The following GOSR2 variants were observed in gnomAD, a reference collection of about 807,000 sequenced individuals.
GOSR2 encodes the protein 27 kDa Golgi SNARE protein.
GOSR2 carries 20 observed loss-of-function variants against 27.9 expected under a neutral mutation model. The observed-to-expected ratio is 0.72, with a 90% CI of 0.50 to 1.04. The LOEUF (loss-of-function observed/expected upper bound fraction) is 1.04, where lower values mean the gene tolerates loss of function less well. Ranked by LOEUF, GOSR2 falls within the 50% of genes least tolerant of loss-of-function variation. GOSR2 has a pLI of 0.00. For synonymous variants in GOSR2, 91 were observed against 98.8 expected (o/e 0.92, Z 0.47); for missense variants, 261 against 270.5 (o/e 0.97, Z 0.25).
chr17:46,926,467 A>G (rs2086515977), intron 1 of GOSR2, among the ~76,000 whole-genome samples: 1 of 152,230 alleles, frequency 6.6e-6, no homozygotes, highest in Non-Finnish European at 1.5e-5. Flanking sequence ...AAAGACGGCT[A>G]CAATGACCCT....
chr17:46,969,186 T>G (rs952999141), downstream of GOSR2, among the ~76,000 whole-genome samples: 1 of 152,194 alleles, frequency 6.6e-6, no homozygotes, highest in African/African-American at 2.4e-5. Flanking sequence ...TCCATCCACC[T>G]TCCCAGGTTT....
Position 46,941,998 on chromosome 17 carries a change from AAATT to A in GOSR2, c.*3239_*3242del. The A allele has an allele frequency of 2.1e-6, 2 of 973,554 alleles. No individual in the cohort carries two copies. The highest frequency in any genetic ancestry group is 9.5e-5 in the South Asian group (2 of 21,030). 60.3% of individuals were successfully genotyped at this position (973,554 alleles called of 1,614,324 possible). The stretch of plus-strand genomic sequence containing the variant: ...GAGCAAAACTTGTTAAGTCCAAAAT[AAATT>A]CTTACTGTTTATATCCTACCTTAGT... On this transcript the variant is annotated 3_prime_UTR_variant, in exon 6 of 6. Coordinates refer to ENST00000640051, the MANE Select transcript of GOSR2 (RefSeq NM_004287.5).
chr17:46,960,136 A>G (rs1391609273), intron 6 of GOSR2, among the ~76,000 whole-genome samples: 2 of 152,254 alleles, frequency 1.3e-5, no homozygotes, highest in Non-Finnish European at 2.9e-5. Flanking sequence ...TATCCAAAAT[A>G]TGGAAAGAGC....
chr17:46,925,369 A>C (rs540471611), intron 1 of GOSR2, among the ~76,000 whole-genome samples: 1 of 152,204 alleles, frequency 6.6e-6, no homozygotes, highest in Admixed American at 6.5e-5. Context: ...TTGAGCACCT[A>C]CTATGTGCTG....
At chr17:46,927,214 A>T (rs1022161564) in intron 1 of GOSR2, among the ~76,000 whole-genome samples, 2 of 151,052 alleles carry the variant, frequency 1.3e-5, no homozygotes, top group Non-Finnish European at 2.9e-5. Flanking sequence ...TTTTTCATTT[A>T]AAAAAAATGC....
At chr17:46,958,027 T>C (rs1599209019) in intron 6 of GOSR2, among the ~76,000 whole-genome samples, 1 of 152,184 alleles carries the variant, frequency 6.6e-6, no homozygotes, top group Non-Finnish European at 1.5e-5. Flanking sequence ...TGGCTGCTGC[T>C]TTGGGAGTCT....
In GOSR2 at chr17:46,928,009, C is replaced by T. The variant is rs534909588; in HGVS notation, c.30-1511C>T. On this transcript the variant is annotated intron_variant, in intron 1 of 5. Coordinates refer to ENST00000640051, the MANE Select transcript of GOSR2 (RefSeq NM_004287.5). ...TACCCTCCGGTCCCCTGTACCTGTT[C>T]CCTTGGTTGCCCTGCTTCAGGTGTC... 1.6e-4 allele frequency among the ~76,000 whole-genome samples: 25 copies of T among 152,266 alleles called. No homozygotes were observed. In the South Asian group the frequency reaches 5.2e-3, roughly 32 times the overall value.
chr17:46,943,984 C>T (rs2089603550), downstream of GOSR2, among the ~76,000 whole-genome samples: 3 of 152,138 alleles, frequency 2.0e-5, no homozygotes, highest in Non-Finnish European at 4.4e-5. Flanking sequence ...AGGGGGCTCT[C>T]GGAGGCTGAC....
At chr17:46,932,305 A>G (rs746941175) in intron 4 of GOSR2, 106 bp downstream of exon 4, 17 of 1,331,162 alleles carry the variant, frequency 1.3e-5, no homozygotes, top group South Asian at 5.9e-5. Flanking sequence ...AAGAAGACTG[A>G]TGATGAGGAA....
chr17:46,961,090 T>G (rs143957272), intron 6 of GOSR2, among the ~76,000 whole-genome samples: 163 of 152,224 alleles, frequency 1.1e-3, no homozygotes, highest in African/African-American at 3.9e-3. Flanking sequence ...ATGAGAGAGA[T>G]AATTAGAATG....
downstream of GOSR2, among the ~76,000 whole-genome samples, chr17:46,943,131 A>G (rs11079743): frequency 0.95 from 145,264 of 152,252 alleles, 69,676 homozygotes; most frequent in East Asian, 1. Context: ...ATACAAGAAC[A>G]TCAACCCAAG....
chr17:46,967,404 T>C (rs562674798), downstream of GOSR2, among the ~76,000 whole-genome samples: 1 of 152,356 alleles, frequency 6.6e-6, no homozygotes, highest in South Asian at 2.1e-4. Context: ...TTAGCTGTCA[T>C]TACCAAGATA....
chr17:46,974,439 AAGG>A (rs1211889715), intron 6 of GOSR2, among the ~76,000 whole-genome samples: 1 of 152,188 alleles, frequency 6.6e-6, no homozygotes, highest in Admixed American at 6.5e-5. Flanking sequence ...GTGGGGAGCA[AAGG>A]AGGTCATCTC....
Position 46,938,690 on chromosome 17 carries a change from A to G in GOSR2, c.569A>G (p.Lys190Arg). The G allele has an allele frequency of 6.2e-7, 1 of 1,613,876 alleles. No individual in the cohort carries two copies. Among genetic ancestry groups the G allele is most frequent in the Non-Finnish European group, 8.5e-7 (1 of 1,179,860 alleles). Reference sequence around the variant, plus strand: ...ATCGAGAAGCGGGCTTTCCAGGACAAGTACTTTATGATAGGTGGGATGCTG... The same window carrying G: ...ATCGAGAAGCGGGCTTTCCAGGACAGGTACTTTATGATAGGTGGGATGCTG... The part of the protein sequence containing the change: ...RLIEKRAFQD[K>R]YFMIGGMLLT... The change falls in exon 6 of 6, where the codon AAG becomes AGG. Residue 190 changes from lysine to arginine, a missense_variant. By Grantham distance (26) the Lys-to-Arg change is conservative (BLOSUM62 2). Transcript: ENST00000640051.
At chr17:46,959,549 A>G (rs1038280291) in intron 6 of GOSR2, among the ~76,000 whole-genome samples, 14 of 142,930 alleles carry the variant, frequency 9.8e-5, no homozygotes, top group Admixed American at 3.4e-4. Context: ...GGTTTTTGGG[A>G]AAAAAACACT....
intron 2 of GOSR2, 57 bp downstream of exon 2, chr17:46,929,641 G>C (rs2087010480): frequency 2.3e-6 from 2 of 881,314 alleles, no homozygotes; most frequent in Non-Finnish European, 2.0e-6. Context: ...GTGCTAATGG[G>C]CTGGGCTTCC....
At chr17:46,937,981 C>T (rs953525641) in intron 5 of GOSR2, 1 of 159,252 alleles carries the variant, frequency 6.3e-6, no homozygotes, top group African/African-American at 2.4e-5. Context: ...GGTTCTGTCA[C>T]CTTAGCCTCG....
intron 6 of GOSR2, among the ~76,000 whole-genome samples, chr17:46,958,029 TG>T (rs1360127967): frequency 6.6e-6 from 1 of 152,166 alleles, no homozygotes; most frequent in Admixed American, 6.5e-5. Context: ...GCTGCTGCTT[TG>T]GGAGTCTTTG....
In GOSR2 at chr17:46,940,411, C is replaced by A; in HGVS notation, c.*1651C>A. 6.3e-7 allele frequency: 1 copy of A among 1,588,208 alleles called. No homozygotes were observed. Among genetic ancestry groups the A allele is most frequent in the South Asian group, 1.1e-5 (1 of 89,892 alleles). ...CTGGGGGGTTGCAGCATCTTTAGAC[C>A]TAGATCTGTCTAACTCTGGGGAGGC... On this transcript the variant is annotated 3_prime_UTR_variant, in exon 6 of 6. Coordinates refer to ENST00000640051, the MANE Select transcript of GOSR2 (RefSeq NM_004287.5).
Sources: gnomAD v4.1 joint callset for allele counts (sites outside exome capture counted in the v4.1 genomes callset) on GRCh38, gnomAD v4.1.1 for gene constraint, MANE v1.5 for transcripts, NCBI Gene and HGNC (gene_info 2026-07-23, HGNC 2026-07-21) for gene names.